DNAH14: variants seen among roughly 807,000 people sequenced by gnomAD.
DNAH14 encodes the protein dynein axonemal heavy chain 14.
A neutral mutation model predicts 520.9 loss-of-function variants in DNAH14; 478 were observed. The ratio of observed to expected loss-of-function variants is 0.92; its 90% CI spans 0.85 to 0.99. DNAH14 has a LOEUF of 0.99. Among genes scored for constraint, DNAH14 ranks in the 50% least tolerant of loss-of-function variants. DNAH14 has a pLI of 0.00. For missense variants in DNAH14, 4,831 were observed against 5,234.5 expected, an observed-to-expected ratio of 0.92 and a Z score of 2.38; for synonymous variants, 1,581 against 1,757.2, an observed-to-expected ratio of 0.90 and a Z score of 2.51.
At chr1:225,244,797 A>C (rs677246) in intron 43 of DNAH14, among the ~76,000 whole-genome samples, 31,554 of 151,966 alleles carry the variant, frequency 0.21, 3,454 homozygotes, top group East Asian at 0.37. Flanking sequence ...TTTCAAAAAA[A>C]CAGCTCTTGG....
intron 4 of DNAH14, among the ~76,000 whole-genome samples, 179 bp from the exon 5 acceptor site, chr1:224,964,300 C>G (rs2061019649): frequency 6.6e-6 from 1 of 152,128 alleles, no homozygotes; most frequent in African/African-American, 2.4e-5. Flanking sequence ...ATTATTCCCT[C>G]TTTCTAACTT....
In DNAH14 at chr1:225,270,813, T is replaced by G; in HGVS notation, c.7618T>G (p.Ser2540Ala). 1 of 1,551,418 alleles carries G rather than the reference T, an allele frequency of 6.4e-7. No individual in the cohort carries two copies. ...DISPRLLKHF[S>A]MLVLPHPSQD... ...CAGCCCACGTCTTCTCAAACACTTTTCCATGCTGGTATTACCTCATCCTTC... is the reference window on the plus strand; with the variant it reads ...CAGCCCACGTCTTCTCAAACACTTTGCCATGCTGGTATTACCTCATCCTTC... The change falls in exon 50 of 86, where the codon TCC becomes GCC. Residue 2540 changes from serine (S) to alanine (A), a missense_variant. By Grantham distance (99) the Ser-to-Ala change is moderately conservative (BLOSUM62 1). Transcript: ENST00000682510.
At chr1:225,225,275 G>A (rs1469122485) in intron 41 of DNAH14, among the ~76,000 whole-genome samples, 1 of 152,114 alleles carries the variant, frequency 6.6e-6, no homozygotes, top group African/African-American at 2.4e-5. Flanking sequence ...ACACATCCCT[G>A]AATTTGGAAA....
chr1:224,979,432 G>A lies in DNAH14; in HGVS notation c.830+5279G>A, dbSNP rs1276876515. Among the ~76,000 whole-genome samples, 6 of 152,206 alleles carry A rather than the reference G, an allele frequency of 3.9e-5. No individual in the cohort carries two copies. In the East Asian group the frequency reaches 1.2e-3, roughly 29 times the overall value. Reference sequence around the variant, plus strand: ...CAACTGACAGCCACCCACAGAGGGAGAATTTAGACCAGTTCTAGCCAGATT... The same window carrying A: ...CAACTGACAGCCACCCACAGAGGGAAAATTTAGACCAGTTCTAGCCAGATT... On this transcript the variant is annotated intron_variant, in intron 8 of 85. Transcript: ENST00000682510.
intron 37 of DNAH14, among the ~76,000 whole-genome samples, chr1:225,186,992 T>C (rs914376462): frequency 6.6e-6 from 1 of 151,868 alleles, no homozygotes; most frequent in Non-Finnish European, 1.5e-5. Context: ...TATTTTAGTT[T>C]AGTTTTGTTT....
rs150072915 is a variant in DNAH14, at chr1:225,225,055, G to A, written c.6440-6018G>A. On this transcript the variant is annotated intron_variant, in intron 41 of 85. Transcript: ENST00000682510. ...ATGATCAAGCAGACCTGCAAGTTAC[G>A]ACATCACTGCTTGACCAAACCACCC... Among the ~76,000 whole-genome samples, 537 of 152,246 alleles carry A rather than the reference G, an allele frequency of 3.5e-3. 4 individuals are homozygous for A. Among genetic ancestry groups the A allele is most frequent in the African/African-American group, 0.012 (519 of 41,536 alleles).
chr1:225,152,642 A>T, intron 32 of DNAH14, 55 bp from the exon 33 acceptor site: 1 of 1,439,556 alleles, frequency 6.9e-7, no homozygotes, highest in Non-Finnish European at 9.3e-7. Flanking sequence ...GTGATTCCTT[A>T]TTTGAAAAAT....
chr1:224,969,062 A>G, intron 7 of DNAH14, 188 bp downstream of exon 7: 1 of 448,430 alleles, frequency 2.2e-6, no homozygotes, highest in South Asian at 3.9e-5. Context: ...TAATTTTGGC[A>G]TTTAAGAAGC....
chr1:225,272,361 G>A lies in DNAH14; in HGVS notation c.7839+288G>A, dbSNP rs553303593. Reference sequence around the variant, plus strand: ...GATTTGGTGTTTGCTTTATTTCTGAGATTTTATTGTGGCTGTCAGAAAATG... The same window carrying A: ...GATTTGGTGTTTGCTTTATTTCTGAAATTTTATTGTGGCTGTCAGAAAATG... On this transcript the variant is annotated intron_variant, in intron 51 of 85. Transcript: ENST00000682510. Among the ~76,000 whole-genome samples the A allele has an allele frequency of 2.0e-5, 3 of 152,298 alleles. No homozygotes were observed. In the South Asian group the frequency reaches 6.2e-4, roughly 32 times the overall value.
chr1:225,002,729 A>C, intron 8 of DNAH14, 54 bp from the exon 9 acceptor site: 1 of 1,481,766 alleles, frequency 6.7e-7, no homozygotes, highest in Non-Finnish European at 9.2e-7. Context: ...CCTCTAAATT[A>C]ATTTTATTCA....
intron 17 of DNAH14, among the ~76,000 whole-genome samples, chr1:225,072,146 G>C (rs979015424): frequency 2.0e-5 from 3 of 152,170 alleles, no homozygotes; most frequent in South Asian, 2.1e-4. Flanking sequence ...TTTCAAGTTG[G>C]CTCCATTCTC....
At chr1:225,185,488 T>G in intron 37 of DNAH14, 63 bp downstream of exon 37, 1 of 1,416,646 alleles carries the variant, frequency 7.1e-7, no homozygotes, top group Non-Finnish European at 9.3e-7. Context: ...CACTTTAATA[T>G]TTTATGTTCT....
In DNAH14 at chr1:225,063,252, G is replaced by A. The variant is rs1212460245; in HGVS notation, c.2424+11457G>A. 2.6e-5 allele frequency among the ~76,000 whole-genome samples: 4 copies of A among 152,102 alleles called. No individual in the cohort carries two copies. The South Asian group carries it at 8.3e-4, about 32-fold the overall frequency. On this transcript the variant is annotated intron_variant, in intron 17 of 85. Transcript: ENST00000682510. The stretch of plus-strand genomic sequence containing the variant: ...ATCCATAGATACTCAAGTCCCTTAT[G>A]TAAATCATGTATTTGCATATAACCT...
chr1:224,991,887 T>C (rs887806258), intron 8 of DNAH14, among the ~76,000 whole-genome samples: 2 of 152,162 alleles, frequency 1.3e-5, no homozygotes, highest in African/African-American at 4.8e-5. Context: ...TCACTGATCT[T>C]TAGAGAAATG....
chr1:225,396,331 C>T (rs1035336162), intron 84 of DNAH14: 6 of 152,230 alleles, frequency 3.9e-5, no homozygotes, highest in Admixed American at 3.9e-4. Flanking sequence ...TCCCAATCTA[C>T]CTGATAATGA....
Position 225,007,531 on chromosome 1 carries a change from G to A in DNAH14, c.1094G>A (p.Ser365Asn), listed in dbSNP as rs766745180. The change falls in exon 10 of 86, where the codon AGT becomes AAT. Residue 365 changes from serine to asparagine, a missense_variant. Transcript: ENST00000682510. ...IRNKAISEMK[S>N]TFLKVAEKNE... ...AATAAAGCAATTTCAGAGATGAAAA[G>A]TACTTTTCTAAAGGTAATTCTTTAA... The A allele has an allele frequency of 2.6e-6, 4 of 1,527,346 alleles. No homozygotes were observed. Among genetic ancestry groups the A allele is most frequent in the South Asian group, 2.5e-5 (2 of 80,808 alleles). The allele number at this position is 1,527,346 out of a possible 1,614,324, so 94.6% of individuals were successfully genotyped here. A position where few individuals can be genotyped will look rare whatever the true frequency, so the allele number is the denominator to read the frequency against.
chr1:225,182,979 C>A (rs2084227415), intron 36 of DNAH14, among the ~76,000 whole-genome samples: 1 of 152,166 alleles, frequency 6.6e-6, no homozygotes, highest in Admixed American at 6.5e-5. Flanking sequence ...TTGGGTGTGG[C>A]CCTGCATGAG....
At chr1:225,278,899 C>T (rs1410169561) in intron 54 of DNAH14, among the ~76,000 whole-genome samples, 1 of 152,206 alleles carries the variant, frequency 6.6e-6, no homozygotes, top group Non-Finnish European at 1.5e-5. Context: ...CCTATCTTCC[C>T]TCTCAGAGCC....
chr1:225,162,497 C>T (rs567902920), intron 35 of DNAH14, among the ~76,000 whole-genome samples: 1 of 152,152 alleles, frequency 6.6e-6, no homozygotes, highest in East Asian at 1.9e-4. Context: ...TCTTTTTGTT[C>T]AGGATAGCTT....
Sources: allele counts gnomAD v4.1 joint callset (sites outside exome capture counted in the v4.1 genomes callset), GRCh38; gene constraint gnomAD v4.1.1; transcripts MANE v1.5; gene names NCBI Gene and HGNC (gene_info 2026-07-23, HGNC 2026-07-21).